DLK2: variants seen among roughly 807,000 people sequenced by gnomAD.
The protein encoded by DLK2 is protein delta homolog 2.
In DLK2, 9 loss-of-function variants were observed where a neutral mutation model predicts 31.3. That is an observed-to-expected ratio of 0.29 (90% confidence interval 0.17 to 0.50). DLK2 has a LOEUF of 0.50. Ranked by LOEUF, DLK2 falls within the 20% of genes least tolerant of loss-of-function variation. DLK2 has a pLI of 0.98. For missense variants in DLK2, 387 were observed against 526.1 expected (o/e 0.74, Z 2.59); for synonymous variants, 169 against 201.2 (o/e 0.84, Z 1.35).
rs979521150 is a variant in DLK2 at position 43,453,900 on chromosome 6, T to G, written c.140+511A>C. On this transcript the variant is annotated intron_variant, in intron 3 of 5. Coordinates refer to ENST00000372488, the MANE Select transcript of DLK2 (RefSeq NM_023932.4). The surrounding 1 kb of genome is among the most constrained non-coding windows in gnomAD (Gnocchi z 4.1). ...TTAAAAGCCCTCCAGGGGTGAAGAG[T>G]CTCAAAGACCCCCAGCCAATTGAAC... is the stretch of plus-strand genomic sequence containing the variant. Among the ~76,000 whole-genome samples the G allele has an allele frequency of 6.0e-5, 9 of 151,220 alleles. No individual in the cohort carries two copies. Among genetic ancestry groups the G allele is most frequent in the Non-Finnish European group, 1.3e-4 (9 of 67,774 alleles).
At chr6:43,454,038 G>C (rs1174665778) in intron 3 of DLK2, among the ~76,000 whole-genome samples, 1 of 152,140 alleles carries the variant, frequency 6.6e-6, no homozygotes, top group Non-Finnish European at 1.5e-5. Flanking sequence ...CTCTTTCATT[G>C]TAAGTGTTTC....
chr6:43,454,923 A>G (rs1471187475), intron 1 of DLK2, 43 bp from the exon 2 acceptor site: 2 of 1,499,474 alleles, frequency 1.3e-6, no homozygotes, highest in East Asian at 5.1e-5. Context: ...ACGCGGAGAT[A>G]GCGGCACGGA....
At position 43,451,295 on chromosome 6, in the gene DLK2, G is replaced by A. The variant is rs775939171; in HGVS notation, c.417-21C>T. On this transcript the variant is annotated intron_variant, in intron 5 of 5. Transcript: ENST00000372488. The surrounding 1 kb of genome is among the most constrained non-coding windows in gnomAD (Gnocchi z 4.4). ...GGGAGCTGTGGTAGGGGTGAGAGAG[G>A]ACATGATAACCAACTTACCAACACC... is the stretch of plus-strand genomic sequence containing the variant. The A allele has an allele frequency of 3.9e-5, 62 of 1,607,438 alleles. No homozygotes were observed. In the East Asian group the frequency reaches 5.4e-4, roughly 14 times the overall value.
Position 43,450,413 on chromosome 6 carries a change from A to G in DLK2, c.*126T>C, listed in dbSNP as rs1783635647. 1 of 1,137,756 alleles carries G rather than the reference A, an allele frequency of 8.8e-7. No individual in the cohort carries two copies. Among genetic ancestry groups the G allele is most frequent in the Non-Finnish European group, 1.2e-6 (1 of 831,004 alleles). The allele number at this position is 1,137,756 out of a possible 1,614,324, so 70.5% of individuals were successfully genotyped here. A position where few individuals can be genotyped will look rare whatever the true frequency, so the allele number is the denominator to read the frequency against. On this transcript the variant is annotated 3_prime_UTR_variant, in exon 6 of 6. Coordinates refer to ENST00000372488, the MANE Select transcript of DLK2 (RefSeq NM_023932.4). The surrounding 1 kb of genome is among the most constrained non-coding windows in gnomAD (Gnocchi z 4.5). ...TTACATTCTGTGTATTAAAAAAATA[A>G]TATTTCTGGTGTGAGGCTGAGGTCT...
chr6:43,453,157 T>A lies in DLK2; in HGVS notation c.141-22A>T. On this transcript the variant is annotated intron_variant, in intron 3 of 5. Coordinates refer to ENST00000372488, the MANE Select transcript of DLK2 (RefSeq NM_023932.4). This position sits in a 1 kb window ranked among gnomAD's most constrained non-coding sequence, Gnocchi z 4.1. The stretch of plus-strand genomic sequence containing the variant: ...ACACCTGACGGGGAGAAGCACAGGG[T>A]CAGGGCTCTGGGTCATGGATGTGAA... 1 of 1,584,976 alleles carries A rather than the reference T, an allele frequency of 6.3e-7. No homozygotes were observed. The highest frequency in any genetic ancestry group is 8.6e-7 in the Non-Finnish European group (1 of 1,160,662).
intron 3 of DLK2, 45 bp downstream of exon 3, chr6:43,454,366 A>C: frequency 6.4e-7 from 1 of 1,571,420 alleles, no homozygotes; most frequent in Non-Finnish European, 8.7e-7. Context: ...AAGGGCTTAG[A>C]AATGGGTACC....
chr6:43,452,335 C>T (rs1478591578), intron 4 of DLK2, among the ~76,000 whole-genome samples: 1 of 152,256 alleles, frequency 6.6e-6, no homozygotes, highest in Non-Finnish European at 1.5e-5. Flanking sequence ...AATCCCAGCA[C>T]TTTGGAAGAC....
chr6:43,450,675 G>A lies in DLK2; in HGVS notation c.1016C>T (p.Pro339Leu), dbSNP rs778237754. ...LRAWRRGVCP[P>L]GPCCYPAPHY... ...TGGGGCAGGGTAGCAACAGGGTCCA[G>A]GGGGGCAGACACCCCGGCGCCAGGC... is the stretch of plus-strand genomic sequence containing the variant. Residue 339 changes from proline to leucine, a missense_variant, in exon 6 of 6, where the codon CCT becomes CTT. By Grantham distance (98) the Pro-to-Leu change is moderately conservative. Coordinates refer to ENST00000372488, the MANE Select transcript of DLK2 (RefSeq NM_023932.4). This position sits in a 1 kb window ranked among gnomAD's most constrained non-coding sequence, Gnocchi z 4.5. 2 of 1,613,958 alleles carry A rather than the reference G, an allele frequency of 1.2e-6. No individual in the cohort carries two copies. The highest frequency in any genetic ancestry group is 1.7e-6 in the Non-Finnish European group (2 of 1,179,904).
intron 2 of DLK2, 123 bp downstream of exon 2, chr6:43,454,627 A>G: frequency 1.4e-6 from 2 of 1,384,770 alleles, no homozygotes; most frequent in East Asian, 2.5e-5. Context: ...CAAAAAGGCA[A>G]CCTCGGTCTT....
chr6:43,452,868 C>T (rs1221240524), intron 4 of DLK2, 137 bp downstream of exon 4: 12 of 1,331,152 alleles, frequency 9.0e-6, no homozygotes, highest in Non-Finnish European at 1.2e-5. Flanking sequence ...TATAAAAAGT[C>T]TAAGATTTAA....
chr6:43,455,132 G>C, intron 1 of DLK2: 1 of 977,110 alleles, frequency 1.0e-6, no homozygotes, highest in Non-Finnish European at 1.2e-6. Context: ...CGCGGGAATG[G>C]CTGGGGTTGG....
chr6:43,450,437 C>G lies in DLK2; in HGVS notation c.*102G>C. On this transcript the variant is annotated 3_prime_UTR_variant, in exon 6 of 6. Coordinates refer to ENST00000372488, the MANE Select transcript of DLK2 (RefSeq NM_023932.4). This position sits in a 1 kb window ranked among gnomAD's most constrained non-coding sequence, Gnocchi z 4.5. ...AATATTTCTGGTGTGAGGCTGAGGT[C>G]TCCTCTGTGTGTGTACCCAAGCTGA... The G allele has an allele frequency of 7.6e-7, 1 of 1,318,508 alleles. No homozygotes were observed. Among genetic ancestry groups the G allele is most frequent in the Non-Finnish European group, 1.0e-6 (1 of 976,414 alleles). 81.7% of individuals were successfully genotyped at this position (1,318,508 alleles called of 1,614,324 possible).
Sources: allele counts gnomAD v4.1 joint callset (sites outside exome capture counted in the v4.1 genomes callset), GRCh38; gene constraint gnomAD v4.1.1; non-coding constraint Gnocchi (gnomAD v3.1); transcripts MANE v1.5; gene names NCBI Gene and HGNC (gene_info 2026-07-23, HGNC 2026-07-21).